The following VWF variants were observed in gnomAD, a reference collection of about 807,000 sequenced individuals.
VWF encodes the protein Factor VIII related antigen.
A neutral mutation model predicts 308.6 loss-of-function variants in VWF; 176 were observed. The ratio of observed to expected loss-of-function variants is 0.57; its 90% CI spans 0.50 to 0.65. VWF has a LOEUF of 0.65. VWF is among the 30% of genes least tolerant of loss of function. The pLI is 0.00. For missense variants in VWF, 3,146 were observed against 3,648.2 expected (o/e 0.86, Z 3.55); for synonymous variants, 1,385 against 1,443.4 (o/e 0.96, Z 0.92).
chr12:6,107,553 A>T (rs962947216), intron 5 of VWF, among the ~76,000 whole-genome samples: 2 of 152,228 alleles, frequency 1.3e-5, no homozygotes, highest in Admixed American at 1.3e-4. Flanking sequence ...AACCAAAAGA[A>T]AGGTGGAATA....
chr12:6,037,399 C>T (rs1944348791), intron 18 of VWF, among the ~76,000 whole-genome samples: 1 of 152,150 alleles, frequency 6.6e-6, no homozygotes, highest in Admixed American at 6.5e-5. Context: ...AAGCCACAGG[C>T]CCCCTCCTGC....
At chr12:5,968,460 G>A (rs541797508) in intron 45 of VWF, among the ~76,000 whole-genome samples, 79 of 152,282 alleles carry the variant, frequency 5.2e-4, no homozygotes, top group African/African-American at 1.9e-3. Context: ...GGATGTTTGG[G>A]TTTATGAAAC....
intron 6 of VWF, among the ~76,000 whole-genome samples, chr12:6,086,926 G>A (rs1056548897): frequency 6.6e-6 from 1 of 152,178 alleles, no homozygotes; most frequent in Non-Finnish European, 1.5e-5. Context: ...GCTCAAGCAG[G>A]ACAGGTGATT....
Position 5,993,748 on chromosome 12 carries a change from G to A in VWF, c.6598+114C>T, listed in dbSNP as rs374203506. On this transcript the variant is annotated intron_variant, in intron 37 of 51. Coordinates refer to ENST00000261405, the MANE Select transcript of VWF (RefSeq NM_000552.5). ...TCCTAACTGGAATCCCAGGTCATAC[G>A]AAATACAGGGATTTTCATCCTTATT... is the stretch of plus-strand genomic sequence containing the variant. The A allele has an allele frequency of 1.0e-4, 98 of 940,676 alleles. 1 individual carries two copies. The East Asian group carries it at 1.2e-3, about 12-fold the overall frequency. 58.3% of individuals were successfully genotyped at this position (940,676 alleles called of 1,614,324 possible).
intron 1 of VWF, among the ~76,000 whole-genome samples, chr12:6,123,428 C>T (rs1244225041): frequency 6.6e-6 from 1 of 152,176 alleles, no homozygotes; most frequent in Admixed American, 6.5e-5. Flanking sequence ...CTGTGGGCAC[C>T]TTTCCACAGA....
chr12:5,975,031 T>A (rs1225618181), intron 43 of VWF, among the ~76,000 whole-genome samples: 6 of 152,234 alleles, frequency 3.9e-5, no homozygotes, highest in African/African-American at 1.4e-4. Context: ...AGATGGCCTG[T>A]GAGAGGAGAA....
At chr12:6,027,344 C>T (rs1045309864) in intron 22 of VWF, among the ~76,000 whole-genome samples, 1 of 152,188 alleles carries the variant, frequency 6.6e-6, no homozygotes, top group African/African-American at 2.4e-5. Flanking sequence ...CCCTCCCTTC[C>T]CCAAAGATTC....
At chr12:5,980,528 A>G (rs1395660926) in intron 42 of VWF, among the ~76,000 whole-genome samples, 3 of 152,162 alleles carry the variant, frequency 2.0e-5, no homozygotes, top group Non-Finnish European at 4.4e-5. Flanking sequence ...AAAAATGGGG[A>G]GTGGCATTAC....
intron 47 of VWF, among the ~76,000 whole-genome samples, chr12:5,963,936 A>G (rs111921147): frequency 0.03 from 4,607 of 152,298 alleles, 204 homozygotes; most frequent in African/African-American, 0.1. Context: ...AGCCAGGCGC[A>G]GTGGCTCACG....
rs1350481344 is a variant in VWF at position 6,060,156 on chromosome 12, T to G, written c.1534-2112A>C. Among the ~76,000 whole-genome samples the G allele has an allele frequency of 6.6e-6, 1 of 152,038 alleles. No individual in the cohort carries two copies. The highest frequency in any genetic ancestry group is 2.4e-5 in the African/African-American group (1 of 41,380). ...TAGTGTCACTTAGCGACACTCACTATTTGAAATAAACCTCTGGTCAGTGAC... is the reference window on the plus strand; with the variant it reads ...TAGTGTCACTTAGCGACACTCACTAGTTGAAATAAACCTCTGGTCAGTGAC... On this transcript the variant is annotated intron_variant, in intron 13 of 51. Coordinates refer to ENST00000261405, the MANE Select transcript of VWF (RefSeq NM_000552.5). This position sits in a 1 kb window ranked among gnomAD's most constrained non-coding sequence, Gnocchi z 5.1.
At position 6,073,664 on chromosome 12, in the gene VWF, T is replaced by C. The variant is rs752292917; in HGVS notation, c.952A>G (p.Asn318Asp). 1 of 1,614,100 alleles carries C rather than the reference T, an allele frequency of 6.2e-7. No homozygotes were observed. Among genetic ancestry groups the C allele is most frequent in the Admixed American group, 1.7e-5 (1 of 60,018 alleles). The change falls in exon 8 of 52, where the codon AAT becomes GAT. Residue 318 changes from asparagine (N) to aspartate (D), a missense_variant. This residue lies in a region of VWF where 1,304 missense variants were observed against 1,353.0 expected (regional missense o/e 0.96). Coordinates refer to ENST00000261405, the MANE Select transcript of VWF (RefSeq NM_000552.5). ...ACGCATCGCTCCTGACACATTTCATTGATGTGCAGGCTCTGGCAGGTCCTG... is the reference window on the plus strand; with the variant it reads ...ACGCATCGCTCCTGACACATTTCATCGATGTGCAGGCTCTGGCAGGTCCTG... The part of the protein sequence containing the change: ...CARTCQSLHI[N>D]EMCQERCVDG...
In VWF at chr12:5,977,001, C is replaced by T. The variant is rs148167032; in HGVS notation, c.7288-741G>A. 1.7e-3 allele frequency among the ~76,000 whole-genome samples: 257 copies of T among 152,258 alleles called. 2 individuals are homozygous for T. In the South Asian group the frequency reaches 0.022, roughly 13 times the overall value. The stretch of plus-strand genomic sequence containing the variant: ...GTATGCCCTCCAAAGTTATGCAAAA[C>T]GGGTCTCCACCCTGTGAATGTCATA... On this transcript the variant is annotated intron_variant, in intron 42 of 51. Transcript: ENST00000261405.
Position 5,953,592 on chromosome 12 carries a change from A to G in VWF, c.7890T>C (p.Gly2630=), listed in dbSNP as rs754764925. Residue 2630 remains glycine (G), a splice_region_variant and synonymous_variant, in exon 48 of 52, where the codon GGT becomes GGC. Coordinates refer to ENST00000261405, the MANE Select transcript of VWF (RefSeq NM_000552.5). The stretch of plus-strand genomic sequence containing the variant: ...CACCTGTGTTATTTTCTTCCTTGTA[A>G]CCCTGCATCCAGAGGGGGAAAAAGC... ...RKTTCNPCPL[G]YKEENNTGEC... 1 of 1,613,734 alleles carries G rather than the reference A, an allele frequency of 6.2e-7. No individual in the cohort carries two copies. Among genetic ancestry groups the G allele is most frequent in the Non-Finnish European group, 8.5e-7 (1 of 1,179,830 alleles).
At chr12:6,081,545 G>A (rs1323493356) in intron 6 of VWF, among the ~76,000 whole-genome samples, 3 of 152,060 alleles carry the variant, frequency 2.0e-5, no homozygotes, top group South Asian at 2.1e-4. Flanking sequence ...TCACCATGTT[G>A]GCCAGGATGG....
chr12:5,965,858 G>A (rs1310282718), intron 47 of VWF, among the ~76,000 whole-genome samples: 1 of 152,160 alleles, frequency 6.6e-6, no homozygotes, highest in African/African-American at 2.4e-5. Flanking sequence ...GAGGGAGGGC[G>A]AATCTAAGGG....
In VWF at chr12:5,949,022, C is replaced by T. The variant is rs1222824162; in HGVS notation, c.8435G>A (p.Ser2812Asn). The change falls in exon 52 of 52, where the codon AGC becomes AAC. Residue 2812 changes from serine to asparagine, a missense_variant. Around this residue, in one of 3 missense-constraint regions of VWF, gnomAD observed 989 missense variants for 1,117.4 expected, o/e 0.89. Transcript: ENST00000261405. Reference sequence around the variant, plus strand: ...CATGCAGCTGCAGCAGCCTCACTTGCTGCACTTCCTGGGGGAGCATTTGCA... The same window carrying T: ...CATGCAGCTGCAGCAGCCTCACTTGTTGCACTTCCTGGGGGAGCATTTGCA... ...MECKCSPRKC[S>N]K 4 of 1,612,962 alleles carry T rather than the reference C, an allele frequency of 2.5e-6. No individual in the cohort carries two copies. The highest frequency in any genetic ancestry group is 2.5e-6 in the Non-Finnish European group (3 of 1,179,542).
At chr12:5,980,626 T>C (rs971056304) in intron 42 of VWF, among the ~76,000 whole-genome samples, 2 of 152,042 alleles carry the variant, frequency 1.3e-5, no homozygotes, top group African/African-American at 4.8e-5. Context: ...AACAGAGATA[T>C]AAGAAAGCAG....
intron 8 of VWF, among the ~76,000 whole-genome samples, chr12:6,072,898 G>A (rs552214764): frequency 6.1e-5 from 9 of 148,364 alleles, no homozygotes; most frequent in South Asian, 4.3e-4. Context: ...ACCGAGTCTC[G>A]TTCTGTCACC....
chr12:6,103,378 G>GTGTGTGTATACACGTGTGTGTA (rs1370763505), intron 5 of VWF, among the ~76,000 whole-genome samples: 1 of 132,202 alleles, frequency 7.6e-6, no homozygotes, highest in Admixed American at 7.4e-5. Flanking sequence ...GTGTGTGTGT[G>GTGTGTGTATACACGTGTGTGTA]TATACACGTG....
Sources: gnomAD v4.1 joint callset for allele counts (sites outside exome capture counted in the v4.1 genomes callset) on GRCh38, gnomAD v4.1.1 for gene constraint, gnomAD v4.1.1 regional missense constraint, Gnocchi (gnomAD v3.1) non-coding constraint, MANE v1.5 for transcripts, NCBI Gene and HGNC (gene_info 2026-07-23, HGNC 2026-07-21) for gene names.